ST6GALNAC3: variants seen among roughly 807,000 people sequenced by gnomAD.
ST6GALNAC3 encodes alpha-N-acetylgalactosaminide alpha-2,6-sialyltransferase 3.
ST6GALNAC3 carries 25 observed loss-of-function variants against 32.7 expected under a neutral mutation model. The observed-to-expected ratio is 0.76, with a 90% CI of 0.56 to 1.07. The LOEUF (loss-of-function observed/expected upper bound fraction) is 1.07, where lower values mean the gene tolerates loss of function less well. Ranked by LOEUF, ST6GALNAC3 falls within the 50% of genes least tolerant of loss-of-function variation. The probability of loss-of-function intolerance (pLI) is 0.00; values close to 1 mark genes in which losing one functional copy is unlikely to be tolerated. For synonymous variants in ST6GALNAC3, 129 were observed against 133.1 expected, an observed-to-expected ratio of 0.97 and a Z score of 0.21; for missense variants, 355 against 382.4, an observed-to-expected ratio of 0.93 and a Z score of 0.60.
At chr1:76,563,361 G>T (rs1665357523) in intron 3 of ST6GALNAC3, among the ~76,000 whole-genome samples, 1 of 152,220 alleles carries the variant, frequency 6.6e-6, no homozygotes, top group Non-Finnish European at 1.5e-5. Flanking sequence ...AACTGGGAGA[G>T]GCAGGTGCCT....
At chr1:76,614,361 T>C (rs1423730012) in intron 3 of ST6GALNAC3, among the ~76,000 whole-genome samples, 1 of 152,224 alleles carries the variant, frequency 6.6e-6, no homozygotes, top group African/African-American at 2.4e-5. Context: ...AACTACCATT[T>C]ACACAGTGAT....
chr1:76,627,452 A>T lies in ST6GALNAC3; in HGVS notation c.624A>T (p.Arg208Ser). 6.2e-7 allele frequency: 1 copy of T among 1,601,454 alleles called. No homozygotes were observed. Among genetic ancestry groups the T allele is most frequent in the Non-Finnish European group, 8.6e-7 (1 of 1,169,388 alleles). The change falls in exon 4 of 5, where the codon AGA (arginine) becomes AGT (serine). Residue 208 changes from arginine to serine, a missense_variant and splice_region_variant. Coordinates refer to ENST00000328299, the MANE Select transcript of ST6GALNAC3 (RefSeq NM_152996.4). ...TATTGTTTGTTTTCATTTCCCTCAGAGTCCAGTCTGGCTCATATCTCAGCA... is the reference window on the plus strand; with the variant it reads ...TATTGTTTGTTTTCATTTCCCTCAGTGTCCAGTCTGGCTCATATCTCAGCA... ...GVFKKETGKDRVQSGSYLSTG... is the reference protein window; with the variant it reads ...GVFKKETGKDSVQSGSYLSTG...
chr1:76,364,428 C>G (rs542075990), intron 2 of ST6GALNAC3, among the ~76,000 whole-genome samples: 21 of 152,062 alleles, frequency 1.4e-4, no homozygotes, highest in Non-Finnish European at 2.5e-4. Context: ...TGGCAGGTGC[C>G]TGTAATCCCA....
At chr1:76,439,206 G>A (rs1172233793) in intron 3 of ST6GALNAC3, among the ~76,000 whole-genome samples, 2 of 152,124 alleles carry the variant, frequency 1.3e-5, no homozygotes, top group African/African-American at 4.8e-5. Flanking sequence ...ATCTCCAAGG[G>A]AGGGCATGAA....
intron 3 of ST6GALNAC3, among the ~76,000 whole-genome samples, chr1:76,463,918 G>A (rs1215804603): frequency 2.6e-5 from 4 of 152,172 alleles, no homozygotes; most frequent in South Asian, 2.1e-4. Flanking sequence ...GTGTTCTCCC[G>A]GCTCCCTCCT....
intron 3 of ST6GALNAC3, among the ~76,000 whole-genome samples, chr1:76,626,541 G>T (rs1013623038): frequency 6.6e-6 from 1 of 151,898 alleles, no homozygotes; most frequent in Non-Finnish European, 1.5e-5. Flanking sequence ...TTCCCCTTCA[G>T]TTCCTGCATT....
chr1:76,628,191 T>C (rs926750296), intron 4 of ST6GALNAC3, among the ~76,000 whole-genome samples: 4 of 151,934 alleles, frequency 2.6e-5, no homozygotes, highest in South Asian at 2.1e-4. Context: ...ACTGTTTTAA[T>C]CATAATGTCA....
At chr1:76,205,567 T>C (rs182686902) in intron 1 of ST6GALNAC3, among the ~76,000 whole-genome samples, 1 of 152,302 alleles carries the variant, frequency 6.6e-6, no homozygotes, top group Admixed American at 6.5e-5. Flanking sequence ...CATCTTGTTT[T>C]GTCCCCTTAG....
intron 2 of ST6GALNAC3, among the ~76,000 whole-genome samples, chr1:76,338,619 G>C (rs2100983594): frequency 6.6e-6 from 1 of 152,204 alleles, no homozygotes; most frequent in Admixed American, 6.5e-5. Flanking sequence ...ATCATAGCTG[G>C]GCAGGGAAGA....
intron 1 of ST6GALNAC3, among the ~76,000 whole-genome samples, chr1:76,139,046 T>C (rs1420175982): frequency 6.6e-6 from 1 of 151,956 alleles, no homozygotes; most frequent in Non-Finnish European, 1.5e-5. Context: ...TACAAAAAAT[T>C]AGCTGGGCGT....
chr1:76,081,348 C>T (rs1557597166), intron 1 of ST6GALNAC3, among the ~76,000 whole-genome samples: 1 of 149,444 alleles, frequency 6.7e-6, no homozygotes, highest in African/African-American at 2.5e-5. Flanking sequence ...AGAATGTTTA[C>T]AAATTTGTGT....
chr1:76,551,823 C>T (rs539073618), intron 3 of ST6GALNAC3, among the ~76,000 whole-genome samples: 19 of 152,086 alleles, frequency 1.2e-4, no homozygotes, highest in Admixed American at 8.5e-4. Flanking sequence ...CTCTTCATAC[C>T]CCTCCCAACC....
rs4587607 is a variant in ST6GALNAC3 at position 76,588,203 on chromosome 1, T to G, written c.624-39249T>G. Among the ~76,000 whole-genome samples the G allele has an allele frequency of 4.1e-3, 630 of 152,234 alleles. 4 individuals are homozygous for G. Among genetic ancestry groups the G allele is most frequent in the African/African-American group, 0.015 (610 of 41,532 alleles). ...GCCACAGGTAGTTTTTTTGTTTGTTTGTTTAAATAGGGCCTGTCCAAAGAA... is the reference window on the plus strand; with the variant it reads ...GCCACAGGTAGTTTTTTTGTTTGTTGGTTTAAATAGGGCCTGTCCAAAGAA... On this transcript the variant is annotated intron_variant, in intron 3 of 4. Transcript: ENST00000328299.
chr1:76,205,342 C>G (rs927806728), intron 1 of ST6GALNAC3, among the ~76,000 whole-genome samples: 2 of 152,106 alleles, frequency 1.3e-5, no homozygotes, highest in Non-Finnish European at 2.9e-5. Flanking sequence ...ACAGCCTCCC[C>G]CTTTACCTTC....
Position 76,507,398 on chromosome 1 carries a change from AC to A in ST6GALNAC3, c.623+94982del, listed in dbSNP as rs1412264159. Among the ~76,000 whole-genome samples the A allele has an allele frequency of 2.0e-5, 3 of 151,994 alleles. No individual in the cohort carries two copies. In the East Asian group the frequency reaches 5.8e-4, roughly 29 times the overall value. ...CAATCAATTTTAGGACACTTTCACCACTCCAAAATTAAGCCGCATACCTCTT... is the reference window on the plus strand; with the variant it reads ...CAATCAATTTTAGGACACTTTCACCATCCAAAATTAAGCCGCATACCTCTT... On this transcript the variant is annotated intron_variant, in intron 3 of 4. Transcript: ENST00000328299.
At chr1:76,104,022 G>A (rs1647356862) in intron 1 of ST6GALNAC3, among the ~76,000 whole-genome samples, 1 of 152,074 alleles carries the variant, frequency 6.6e-6, no homozygotes, top group South Asian at 2.1e-4. Context: ...CTATACCATT[G>A]TACGTTGAAA....
chr1:76,183,953 G>A (rs926576552), intron 1 of ST6GALNAC3, among the ~76,000 whole-genome samples: 4 of 147,310 alleles, frequency 2.7e-5, no homozygotes, highest in African/African-American at 5.0e-5. Context: ...TAAATACATA[G>A]CCCCACTTCT....
chr1:76,346,575 C>T (rs1648534150), intron 2 of ST6GALNAC3, among the ~76,000 whole-genome samples: 1 of 152,202 alleles, frequency 6.6e-6, no homozygotes, highest in African/African-American at 2.4e-5. Flanking sequence ...AAAGCTTGAC[C>T]TGTACGATTT....
At chr1:76,384,839 A>C (rs1557842154) in intron 2 of ST6GALNAC3, among the ~76,000 whole-genome samples, 1 of 152,250 alleles carries the variant, frequency 6.6e-6, no homozygotes, top group East Asian at 1.9e-4. Context: ...ATGTTCATGC[A>C]AATCAAAAAT....
Sources: allele counts gnomAD v4.1 joint callset (sites outside exome capture counted in the v4.1 genomes callset), GRCh38; gene constraint gnomAD v4.1.1; transcripts MANE v1.5; gene names NCBI Gene and HGNC (gene_info 2026-07-23, HGNC 2026-07-21).